The following EXOC6B variants were observed in gnomAD, a reference collection of about 807,000 sequenced individuals.
EXOC6B encodes the protein SEC15 homolog B.
In EXOC6B, 54 loss-of-function variants were observed where a neutral mutation model predicts 113.5. The observed-to-expected ratio is 0.48, with a 90% CI of 0.38 to 0.60. The LOEUF (loss-of-function observed/expected upper bound fraction) is 0.60, where lower values mean the gene tolerates loss of function less well. Among genes scored for constraint, EXOC6B ranks in the 20% least tolerant of loss-of-function variants. The pLI, the probability that EXOC6B is intolerant of heterozygous loss-of-function variation, is 0.00. For missense variants in EXOC6B, 797 were observed against 977.5 expected (o/e 0.82, Z 2.46); for synonymous variants, 357 against 339.0 (o/e 1.05, Z -0.58).
intron 6 of EXOC6B, among the ~76,000 whole-genome samples, chr2:72,640,741 A>G (rs887742542): frequency 6.6e-6 from 1 of 152,202 alleles, no homozygotes; most frequent in African/African-American, 2.4e-5. Flanking sequence ...GTTGAATGCA[A>G]TGACACACTC....
intron 18 of EXOC6B, among the ~76,000 whole-genome samples, chr2:72,443,235 A>T (rs1468619915): frequency 6.6e-6 from 1 of 151,702 alleles, no homozygotes; most frequent in Non-Finnish European, 1.5e-5. Flanking sequence ...AGGCAGAAGA[A>T]TCACTTGAAT....
chr2:72,477,695 C>A (rs956342110), intron 17 of EXOC6B, among the ~76,000 whole-genome samples: 1 of 152,188 alleles, frequency 6.6e-6, no homozygotes, highest in African/African-American at 2.4e-5. Context: ...TAATTTAACT[C>A]CTGAATACTT....
intron 5 of EXOC6B, among the ~76,000 whole-genome samples, chr2:72,730,325 A>T (rs1680555039): frequency 6.6e-6 from 1 of 152,158 alleles, no homozygotes; most frequent in Non-Finnish European, 1.5e-5. Context: ...AGTAAAGATG[A>T]TTACCCTCCA....
intron 1 of EXOC6B, among the ~76,000 whole-genome samples, chr2:72,796,346 G>A (rs1453295862): frequency 1.3e-5 from 2 of 151,074 alleles, no homozygotes; most frequent in Non-Finnish European, 3.0e-5. Context: ...CCAGCTACTC[G>A]GGAGACTGAG....
intron 8 of EXOC6B, among the ~76,000 whole-genome samples, chr2:72,547,055 A>G (rs1175753251): frequency 6.6e-6 from 1 of 152,264 alleles, no homozygotes; most frequent in Admixed American, 6.5e-5. Context: ...TGTCACATGC[A>G]TGCACATATG....
intron 6 of EXOC6B, among the ~76,000 whole-genome samples, chr2:72,698,804 T>C (rs1678077582): frequency 6.6e-6 from 1 of 152,204 alleles, no homozygotes; most frequent in Non-Finnish European, 1.5e-5. Flanking sequence ...GTTAATATGT[T>C]AGTGAGGTTA....
intron 7 of EXOC6B, among the ~76,000 whole-genome samples, chr2:72,567,582 C>T (rs1704259670): frequency 6.6e-6 from 1 of 151,864 alleles, no homozygotes; most frequent in Admixed American, 6.6e-5. Context: ...TACCTAATGC[C>T]CATGTTAGTT....
chr2:72,425,795 G>A (rs1019914692), intron 18 of EXOC6B, among the ~76,000 whole-genome samples: 3 of 152,102 alleles, frequency 2.0e-5, no homozygotes, highest in Non-Finnish European at 2.9e-5. Context: ...TTTAGAGACA[G>A]ATCATAAAAG....
intron 6 of EXOC6B, among the ~76,000 whole-genome samples, chr2:72,600,074 C>G (rs1323478115): frequency 6.6e-6 from 1 of 152,072 alleles, no homozygotes; most frequent in African/African-American, 2.4e-5. Flanking sequence ...GCAAAAGACA[C>G]AGAATAGCCA....
chr2:72,465,160 A>C lies in EXOC6B; in HGVS notation c.1980T>G (p.Pro660=). 1 of 1,608,974 alleles carries C rather than the reference A, an allele frequency of 6.2e-7. No individual in the cohort carries two copies. Among genetic ancestry groups the C allele is most frequent in the Non-Finnish European group, 8.5e-7 (1 of 1,177,406 alleles). ...GACAAAGTAAGCAACTGCCACTTAC[A>C]GGAAGGTGTGTGAATACAGCAAAGG... is the stretch of plus-strand genomic sequence containing the variant. The part of the protein sequence containing the change: ...RSTFAVFTHL[P]GKVAQTACMS... Residue 660 remains proline, a splice_region_variant and synonymous_variant, in exon 18 of 22, where the codon CCT becomes CCG. Transcript: ENST00000272427.
chr2:72,285,400 G>A (rs1232285095), intron 20 of EXOC6B, among the ~76,000 whole-genome samples: 1 of 151,924 alleles, frequency 6.6e-6, no homozygotes, highest in Non-Finnish European at 1.5e-5. Context: ...TGTTCTTTTC[G>A]ACAAATGTGC....
chr2:72,751,811 T>G (rs1313766686), intron 1 of EXOC6B, among the ~76,000 whole-genome samples: 1 of 152,086 alleles, frequency 6.6e-6, no homozygotes, highest in Non-Finnish European at 1.5e-5. Flanking sequence ...AGGTAAAATT[T>G]TTTTAAAATA....
chr2:72,293,346 A>G (rs1192821307), intron 20 of EXOC6B, among the ~76,000 whole-genome samples: 1 of 152,190 alleles, frequency 6.6e-6, no homozygotes, highest in Non-Finnish European at 1.5e-5. Context: ...GAATGGAGAC[A>G]CAATATGGGC....
At chr2:72,680,245 T>C (rs1676605194) in intron 6 of EXOC6B, among the ~76,000 whole-genome samples, 1 of 152,242 alleles carries the variant, frequency 6.6e-6, no homozygotes, top group African/African-American at 2.4e-5. Flanking sequence ...CTCTGAAGTA[T>C]GGCTGCCTAG....
At chr2:72,706,595 C>T (rs1221255151) in intron 6 of EXOC6B, among the ~76,000 whole-genome samples, 1 of 152,072 alleles carries the variant, frequency 6.6e-6, no homozygotes, top group Admixed American at 6.6e-5. Context: ...GGCTAACCTG[C>T]TTTATTTCTT....
At chr2:72,712,356 A>G (rs1436937851) in intron 6 of EXOC6B, among the ~76,000 whole-genome samples, 1 of 152,226 alleles carries the variant, frequency 6.6e-6, no homozygotes, top group African/African-American at 2.4e-5. Flanking sequence ...TCAGGAGTTC[A>G]GAATGCCAGT....
Position 72,825,340 on chromosome 2 carries a change from G to A in EXOC6B, c.113+458C>T, listed in dbSNP as rs1686836417. ...ATTTCCAGGGACTCGTTTCTGAGAA[G>A]TGGCTGTGATTCTGAGGCAAGACTT... On this transcript the variant is annotated intron_variant, in intron 1 of 21. Transcript: ENST00000272427. This position sits in a 1 kb window ranked among gnomAD's most constrained non-coding sequence, Gnocchi z 4.4. Among the ~76,000 whole-genome samples the A allele has an allele frequency of 6.6e-6, 1 of 152,208 alleles. No individual in the cohort carries two copies. Among genetic ancestry groups the A allele is most frequent in the African/African-American group, 2.4e-5 (1 of 41,452 alleles).
intron 6 of EXOC6B, among the ~76,000 whole-genome samples, chr2:72,682,881 T>G (rs772130492): frequency 5.3e-5 from 8 of 152,154 alleles, no homozygotes; most frequent in Non-Finnish European, 1.0e-4. Context: ...TCCACTATAA[T>G]TATTATTTCT....
intron 19 of EXOC6B, among the ~76,000 whole-genome samples, chr2:72,356,581 A>G (rs1048492676): frequency 3.9e-5 from 6 of 152,202 alleles, no homozygotes; most frequent in Non-Finnish European, 1.5e-5. Flanking sequence ...ACATTACCCC[A>G]AAGTAAACAG....
Sources: allele counts gnomAD v4.1 joint callset (sites outside exome capture counted in the v4.1 genomes callset), GRCh38; gene constraint gnomAD v4.1.1; non-coding constraint Gnocchi (gnomAD v3.1); transcripts MANE v1.5; gene names NCBI Gene and HGNC (gene_info 2026-07-23, HGNC 2026-07-21).